The following SGCZ variants were observed in gnomAD, a reference collection of about 807,000 sequenced individuals.
SGCZ encodes the protein zeta-sarcoglycan.
Under a neutral mutation model 41.3 loss-of-function variants are expected in SGCZ, and 40 were observed. The observed-to-expected ratio is 0.97, with a 90% confidence interval of 0.75 to 1.26. The LOEUF (loss-of-function observed/expected upper bound fraction) is 1.26, where lower values mean the gene tolerates loss of function less well. Ranked by LOEUF, SGCZ falls within the 50% of genes most tolerant of loss-of-function variation. SGCZ has a pLI of 0.00. For synonymous variants in SGCZ, 206 were observed against 137.5 expected, an observed-to-expected ratio of 1.50 and a Z score of -3.49; for missense variants, 552 against 369.8, an observed-to-expected ratio of 1.49 and a Z score of -4.04.
chr8:14,774,385 C>G (rs1800338145), intron 1 of SGCZ, among the ~76,000 whole-genome samples: 1 of 152,200 alleles, frequency 6.6e-6, no homozygotes, highest in African/African-American at 2.4e-5. Context: ...AAAACTCTAA[C>G]ATACTCCGCA....
intron 1 of SGCZ, among the ~76,000 whole-genome samples, chr8:14,792,568 T>C: frequency 6.6e-6 from 1 of 152,116 alleles, no homozygotes; most frequent in Admixed American, 6.5e-5. Context: ...TTTTATTTTA[T>C]TTTATATTAT....
rs182242158 is a variant in SGCZ at position 15,084,558 on chromosome 8, C to A, written c.39+153027G>T. Among the ~76,000 whole-genome samples, 387 of 152,212 alleles carry A rather than the reference C, an allele frequency of 2.5e-3. 1 individual carries two copies. The highest frequency in any genetic ancestry group is 8.8e-3 in the African/African-American group (367 of 41,536). ...CTGAGGTCAAGAGTTCGAGACCAGC[C>A]TGGTGAACCATGGTGAAACCCTGTC... is the stretch of plus-strand genomic sequence containing the variant. On this transcript the variant is annotated intron_variant, in intron 1 of 7. Transcript: ENST00000382080.
intron 1 of SGCZ, among the ~76,000 whole-genome samples, chr8:14,803,567 C>A (rs1009192511): frequency 2.6e-5 from 4 of 152,174 alleles, no homozygotes. Flanking sequence ...GCACCCGGCT[C>A]AGAGGGTCTG....
chr8:14,725,783 A>G (rs931193560), intron 1 of SGCZ, among the ~76,000 whole-genome samples: 9 of 152,182 alleles, frequency 5.9e-5, no homozygotes, highest in African/African-American at 2.2e-4. Context: ...CCATGTACTA[A>G]TTAAAAAGAA....
At chr8:15,182,288 T>A (rs925610782) in intron 1 of SGCZ, among the ~76,000 whole-genome samples, 1 of 152,178 alleles carries the variant, frequency 6.6e-6, no homozygotes, top group African/African-American at 2.4e-5. Context: ...ATTAGCATTA[T>A]ACTAAATATA....
At chr8:14,182,440 G>T (rs572896421) in intron 4 of SGCZ, among the ~76,000 whole-genome samples, 1 of 152,096 alleles carries the variant, frequency 6.6e-6, no homozygotes, top group Non-Finnish European at 1.5e-5. Context: ...AGGAGGCAGC[G>T]AGGATCTCCA....
chr8:14,840,974 T>C (rs1802885753), intron 1 of SGCZ, among the ~76,000 whole-genome samples: 1 of 152,136 alleles, frequency 6.6e-6, no homozygotes, highest in African/African-American at 2.4e-5. Flanking sequence ...CCATTATTAC[T>C]ATGAAGTCAG....
intron 1 of SGCZ, among the ~76,000 whole-genome samples, chr8:15,140,322 G>A (rs569925511): frequency 6.6e-6 from 1 of 152,268 alleles, no homozygotes; most frequent in African/African-American, 2.4e-5. Flanking sequence ...ACCGTGCCCA[G>A]TCATTATAGA....
intron 1 of SGCZ, among the ~76,000 whole-genome samples, chr8:14,653,009 TATC>T (rs1390465449): frequency 6.6e-6 from 1 of 152,122 alleles, no homozygotes; most frequent in African/African-American, 2.4e-5. Context: ...CAATTGTTAA[TATC>T]ATAAATTATG....
chr8:15,040,288 A>C (rs1172712236), intron 1 of SGCZ, among the ~76,000 whole-genome samples: 1 of 152,174 alleles, frequency 6.6e-6, no homozygotes, highest in African/African-American at 2.4e-5. Context: ...CATGACTGAT[A>C]CATTAGTCTT....
chr8:14,780,840 C>A (rs1450714760), intron 1 of SGCZ, among the ~76,000 whole-genome samples: 1 of 151,716 alleles, frequency 6.6e-6, no homozygotes, highest in Non-Finnish European at 1.5e-5. Flanking sequence ...ATGATTTTTT[C>A]TTTTGGAATT....
intron 5 of SGCZ, among the ~76,000 whole-genome samples, chr8:14,154,486 G>A (rs965582012): frequency 2.6e-5 from 4 of 152,178 alleles, no homozygotes; most frequent in African/African-American, 9.7e-5. Flanking sequence ...ACACATGTGA[G>A]TAATTCTTTT....
intron 1 of SGCZ, among the ~76,000 whole-genome samples, chr8:14,859,630 C>A (rs1442882952): frequency 2.6e-5 from 4 of 152,076 alleles, no homozygotes; most frequent in Non-Finnish European, 4.4e-5. Flanking sequence ...ATGCTCCAAA[C>A]CTTTGGCTCC....
At chr8:15,205,673 A>G (rs1801036445) in intron 1 of SGCZ, among the ~76,000 whole-genome samples, 1 of 152,338 alleles carries the variant, frequency 6.6e-6, no homozygotes, top group East Asian at 1.9e-4. Context: ...GGGAATGTAA[A>G]TTAGTTCAAC....
intron 3 of SGCZ, among the ~76,000 whole-genome samples, chr8:14,239,678 G>A (rs1249845457): frequency 6.6e-6 from 1 of 151,376 alleles, no homozygotes; most frequent in African/African-American, 2.4e-5. Context: ...CGAGGCGGGC[G>A]GATCACGAGG....
At chr8:14,172,687 T>C (rs1400551514) in intron 4 of SGCZ, among the ~76,000 whole-genome samples, 1 of 152,028 alleles carries the variant, frequency 6.6e-6, no homozygotes, top group Admixed American at 6.6e-5. Flanking sequence ...TAAGGACCAT[T>C]TGCAAATCAC....
chr8:14,222,387 C>T (rs184721157), intron 4 of SGCZ, among the ~76,000 whole-genome samples: 15 of 152,060 alleles, frequency 9.9e-5, no homozygotes, highest in Non-Finnish European at 1.6e-4. Flanking sequence ...CCAGGCTGGT[C>T]TTGAGCTCCT....
chr8:14,286,187 C>G (rs1047901442), intron 3 of SGCZ, among the ~76,000 whole-genome samples: 1 of 151,920 alleles, frequency 6.6e-6, no homozygotes, highest in African/African-American at 2.4e-5. Flanking sequence ...GGTATTCTAT[C>G]TATGGGATAC....
intron 3 of SGCZ, among the ~76,000 whole-genome samples, chr8:14,251,417 C>T (rs911613412): frequency 1.3e-5 from 2 of 152,132 alleles, no homozygotes; most frequent in African/African-American, 2.4e-5. Context: ...GTGGGCTATG[C>T]AGTCTCTGTC....
Sources: gnomAD v4.1 joint callset for allele counts (sites outside exome capture counted in the v4.1 genomes callset) on GRCh38, gnomAD v4.1.1 for gene constraint, MANE v1.5 for transcripts, NCBI Gene and HGNC (gene_info 2026-07-23, HGNC 2026-07-21) for gene names.